Variants in ANGPTL6 observed in about 807,000 individuals in gnomAD.
ANGPTL6 encodes angiopoietin like 6, also known as angiopoietin-related protein 6.
Under a neutral mutation model 47.4 loss-of-function variants are expected in ANGPTL6, and 45 were observed. That is an observed-to-expected ratio of 0.95 (90% CI 0.75 to 1.22). ANGPTL6 has a LOEUF of 1.22. Ranked by LOEUF, ANGPTL6 falls within the 50% of genes most tolerant of loss-of-function variation. The probability of loss-of-function intolerance (pLI) is 0.00; values close to 1 mark genes in which losing one functional copy is unlikely to be tolerated. For synonymous variants in ANGPTL6, 290 were observed against 295.9 expected (o/e 0.98, Z 0.20); for missense variants, 698 against 669.4 (o/e 1.04, Z -0.47).
At chr19:10,098,066 A>C (rs946704776) in intron 1 of ANGPTL6, among the ~76,000 whole-genome samples, 20 of 150,242 alleles carry the variant, frequency 1.3e-4, no homozygotes, top group African/African-American at 4.6e-4. Flanking sequence ...TAATGTTTAA[A>C]TTTTCTGTAT....
At chr19:10,095,134 G>A (rs2088497868) in intron 2 of ANGPTL6, among the ~76,000 whole-genome samples, 196 bp from the exon 3 acceptor site, 1 of 152,108 alleles carries the variant, frequency 6.6e-6, no homozygotes, top group African/African-American at 2.4e-5. Flanking sequence ...CAGGCTGGGC[G>A]CTATGGCCCG....
intron 1 of ANGPTL6, among the ~76,000 whole-genome samples, chr19:10,100,908 C>T (rs899117303): frequency 4.6e-5 from 7 of 151,730 alleles, no homozygotes; most frequent in Admixed American, 3.3e-4. Flanking sequence ...TTTGGGAGGC[C>T]GAGGTGCCTG....
At chr19:10,100,611 A>G (rs973106987) in intron 1 of ANGPTL6, among the ~76,000 whole-genome samples, 2 of 152,230 alleles carry the variant, frequency 1.3e-5, no homozygotes, top group Non-Finnish European at 2.9e-5. Context: ...TGCCTCATTC[A>G]TGCATTCAAC....
Position 10,093,436 on chromosome 19 carries a change from G to T in ANGPTL6, c.1135C>A (p.Gln379Lys). ...GAGTCTCCAGCATCACCATGGTACT[G>T]GCCAAGCCGCAGGCGGTAGTGGTCG... is the stretch of plus-strand genomic sequence containing the variant. ...ESDHYRLRLGQYHGDAGDSLS... is the reference protein window; with the variant it reads ...ESDHYRLRLGKYHGDAGDSLS... Residue 379 changes from glutamine to lysine, a missense_variant, in exon 5 of 6, where the codon CAG (glutamine) becomes AAG (lysine). Gln to Lys is a moderately conservative substitution (Grantham distance 53). Coordinates refer to ENST00000253109, the MANE Select transcript of ANGPTL6 (RefSeq NM_031917.3). The T allele has an allele frequency of 5.6e-6, 9 of 1,614,184 alleles. No individual in the cohort carries two copies. The highest frequency in any genetic ancestry group is 7.6e-6 in the Non-Finnish European group (9 of 1,180,034).
At chr19:10,101,804 C>CAA (rs1019332736) in intron 1 of ANGPTL6, among the ~76,000 whole-genome samples, 2,372 of 53,966 alleles carry the variant, frequency 0.044, 171 homozygotes, top group African/African-American at 0.13. Flanking sequence ...GAGCAAGGCT[C>CAA]AAAAAAAAAA....
intron 1 of ANGPTL6, among the ~76,000 whole-genome samples, 172 bp downstream of exon 1, chr19:10,102,396 C>T (rs1439873047): frequency 1.3e-5 from 2 of 151,382 alleles, no homozygotes; most frequent in African/African-American, 2.4e-5. Context: ...TGCCCCACCC[C>T]CCACAACAGA....
intron 1 of ANGPTL6, among the ~76,000 whole-genome samples, chr19:10,097,610 T>A (rs1358480134): frequency 3.9e-5 from 6 of 152,058 alleles, no homozygotes; most frequent in Non-Finnish European, 8.8e-5. Context: ...TCCCAGCACT[T>A]TGGGAGGCTG....
At chr19:10,102,470 C>CTGGGG in intron 1 of ANGPTL6, 98 bp downstream of exon 1, 1 of 779,062 alleles carries the variant, frequency 1.3e-6, no homozygotes, top group Non-Finnish European at 1.6e-6. Context: ...CACTCTCAGC[C>CTGGGG]TGGGGTGGCG....
chr19:10,099,595 A>C (rs1008524319), intron 1 of ANGPTL6, among the ~76,000 whole-genome samples: 2 of 151,126 alleles, frequency 1.3e-5, no homozygotes, highest in Admixed American at 6.6e-5. Flanking sequence ...AAAAAAAAAA[A>C]AAAAAACTTG....
intron 3 of ANGPTL6, chr19:10,094,495 A>ATAAG (rs1417886100): frequency 2.0e-5 from 10 of 505,388 alleles, no homozygotes; most frequent in African/African-American, 1.6e-4. Flanking sequence ...TCACCATAAT[A>ATAAG]TAAGTCCTGA....
chr19:10,093,918 C>T, intron 3 of ANGPTL6, 38 bp from the exon 4 acceptor site: 1 of 1,592,320 alleles, frequency 6.3e-7, no homozygotes, highest in Non-Finnish European at 8.5e-7. Flanking sequence ...ACAGCCTGGG[C>T]TGACCAATCC....
In ANGPTL6 at chr19:10,096,225, C is replaced by T; in HGVS notation, c.339G>A (p.Gln113=). Residue 113 remains glutamine (Q), a synonymous_variant, in exon 2 of 6, where the codon CAG becomes CAA. Transcript: ENST00000253109. ...CCCCGGGCCCCGCCTCGTGCTGCAG[C>T]TGCGCGCGCAACTGGCCCAGGCGCG... ...LSARLGQLRA[Q]LQHEAGPGAG... is the part of the protein sequence containing the mutation. 6.7e-6 allele frequency: 8 copies of T among 1,195,964 alleles called. No homozygotes were observed. The South Asian group carries it at 2.9e-4, about 43-fold the overall frequency. 74.1% of individuals were successfully genotyped at this position (1,195,964 alleles called of 1,614,324 possible).
In ANGPTL6 at chr19:10,093,840, A is replaced by G. The variant is rs2088461020; in HGVS notation, c.804T>C (p.His268=). ...QDCAEARQAG[H]EQSGVYELRV... ...GCAGTTCATACACTCCACTCTGTTC[A>G]TGGCCTGCCTGGCGGGCCTCTGCAC... Residue 268 remains histidine (H), a synonymous_variant, in exon 4 of 6, where the codon CAT becomes CAC. Transcript: ENST00000253109. 6.2e-7 allele frequency: 1 copy of G among 1,612,452 alleles called. No individual in the cohort carries two copies. The highest frequency in any genetic ancestry group is 1.6e-4 in the Middle Eastern group (1 of 6,062).
chr19:10,104,956 C>G (rs1247423839), upstream of ANGPTL6, among the ~76,000 whole-genome samples: 1 of 152,198 alleles, frequency 6.6e-6, no homozygotes, highest in Non-Finnish European at 1.5e-5. Context: ...TCAAATCACA[C>G]GAGGACGGAA....
chr19:10,099,014 C>T (rs1347080311), intron 1 of ANGPTL6, among the ~76,000 whole-genome samples: 1 of 152,138 alleles, frequency 6.6e-6, no homozygotes. Flanking sequence ...TGCTCTTCTG[C>T]TTAGATCCTG....
intron 5 of ANGPTL6, 55 bp downstream of exon 5, chr19:10,093,294 C>T: frequency 6.4e-7 from 1 of 1,569,466 alleles, no homozygotes; most frequent in Non-Finnish European, 8.7e-7. Flanking sequence ...ATTCCCTCAC[C>T]AGAACAGGAG....
chr19:10,102,360 C>G (rs960820911), intron 1 of ANGPTL6, among the ~76,000 whole-genome samples: 1 of 151,442 alleles, frequency 6.6e-6, no homozygotes, highest in African/African-American at 2.4e-5. Flanking sequence ...GGGGTAGGGT[C>G]CTCTCTTTGT....
intron 1 of ANGPTL6, among the ~76,000 whole-genome samples, chr19:10,097,857 A>AG (rs1211171338): frequency 1.3e-5 from 2 of 151,510 alleles, no homozygotes; most frequent in African/African-American, 4.8e-5. Context: ...CATCTCAAAA[A>AG]AATAAAATAA....
Position 10,096,299 on chromosome 19 carries a change from C to A in ANGPTL6, c.265G>T (p.Val89Leu), listed in dbSNP as rs1436260132. Residue 89 changes from valine to leucine, a missense_variant, in exon 2 of 6, where the codon GTG becomes TTG. Coordinates refer to ENST00000253109, the MANE Select transcript of ANGPTL6 (RefSeq NM_031917.3). ...LQRLAAADGA[V>L]AGEVRALRKE... ...CGCAGCGCGCGCACCTCGCCGGCCA[C>A]GGCGCCGTCGGCCGCCGCCAGCCTC... 5 of 1,232,262 alleles carry A rather than the reference C, an allele frequency of 4.1e-6. No homozygotes were observed. In the African/African-American group the frequency reaches 7.9e-5, roughly 19 times the overall value. The allele number at this position is 1,232,262 out of a possible 1,614,324, so 76.3% of individuals were successfully genotyped here. A position where few individuals can be genotyped will look rare whatever the true frequency, so the allele number is the denominator to read the frequency against.
Sources: allele counts gnomAD v4.1 joint callset (sites outside exome capture counted in the v4.1 genomes callset), GRCh38; gene constraint gnomAD v4.1.1; transcripts MANE v1.5; gene names NCBI Gene and HGNC (gene_info 2026-07-23, HGNC 2026-07-21).